Variants in ABLIM1 observed in about 807,000 individuals in gnomAD.
ABLIM1 encodes actin binding LIM protein 1.
In ABLIM1, 40 loss-of-function variants were observed where a neutral mutation model predicts 107.0. The observed-to-expected ratio is 0.37, with a 90% CI of 0.29 to 0.49. The LOEUF is 0.49. Among genes scored for constraint, ABLIM1 ranks in the 20% least tolerant of loss-of-function variants. The probability of loss-of-function intolerance (pLI) is 0.97; values close to 1 mark genes in which losing one functional copy is unlikely to be tolerated. For missense variants in ABLIM1, 857 were observed against 1,008.5 expected (o/e 0.85, Z 2.04); for synonymous variants, 357 against 357.3 (o/e 1.00, Z 0.01).
chr10:114,580,183 T>TAATA lies in ABLIM1; in HGVS notation c.380-4585_380-4584insTATT, dbSNP rs2073180293. Among the ~76,000 whole-genome samples, 3 of 143,814 alleles carry TAATA rather than the reference T, an allele frequency of 2.1e-5. No individual in the cohort carries two copies. The South Asian group carries it at 6.6e-4, about 32-fold the overall frequency. The allele number at this position is 143,814 out of a possible 152,430, so 94.3% of individuals were successfully genotyped here. On this transcript the variant is annotated intron_variant, in intron 2 of 22. Transcript: ENST00000533213. ...AATGCCTTTATAACCCACTCCTTTA[T>TAATA]TTTAATATTATATATTATATATTAT...
intron 4 of ABLIM1, among the ~76,000 whole-genome samples, chr10:114,569,572 C>A (rs1356349272): frequency 6.6e-6 from 1 of 152,134 alleles, no homozygotes; most frequent in African/African-American, 2.4e-5. Flanking sequence ...CCCGTCTCAG[C>A]CTCTCAAAGT....
chr10:114,678,815 T>C (rs1217814829), intron 1 of ABLIM1, among the ~76,000 whole-genome samples: 1 of 152,224 alleles, frequency 6.6e-6, no homozygotes, highest in Non-Finnish European at 1.5e-5. Flanking sequence ...GTCTTTTTAT[T>C]TTCTTTTTTA....
intron 6 of ABLIM1, among the ~76,000 whole-genome samples, chr10:114,529,919 T>G (rs1341363145): frequency 6.6e-6 from 1 of 152,240 alleles, no homozygotes; most frequent in East Asian, 1.9e-4. Context: ...CCCAGCTACT[T>G]GGGAGGCTGA....
chr10:114,525,063 A>G (rs928534313), intron 6 of ABLIM1, among the ~76,000 whole-genome samples: 10 of 152,234 alleles, frequency 6.6e-5, no homozygotes, highest in Non-Finnish European at 1.5e-4. Flanking sequence ...GCCCACAGGG[A>G]ATATTTAACA....
chr10:114,647,507 C>T (rs1307485827), intron 1 of ABLIM1, among the ~76,000 whole-genome samples: 2 of 152,138 alleles, frequency 1.3e-5, no homozygotes, highest in African/African-American at 2.4e-5. Context: ...TATTAAACAC[C>T]CCAGAATATT....
intron 1 of ABLIM1, among the ~76,000 whole-genome samples, chr10:114,616,781 A>G (rs2077155845): frequency 6.6e-6 from 1 of 152,236 alleles, no homozygotes; most frequent in African/African-American, 2.4e-5. Flanking sequence ...GTAGTAACAG[A>G]AGGAATAGCA....
At chr10:114,744,739 G>A (rs936083447) in intron 1 of ABLIM1, among the ~76,000 whole-genome samples, 1 of 152,124 alleles carries the variant, frequency 6.6e-6, no homozygotes, top group Admixed American at 6.5e-5. Flanking sequence ...AGGGCATGAA[G>A]CAACACCAGG....
At chr10:114,775,393 G>A in the ABLIM1 span, among the ~76,000 whole-genome samples, 1 of 152,172 alleles carries the variant, frequency 6.6e-6, no homozygotes. Flanking sequence ...GAGGGATCAG[G>A]AGATGCAACT....
intron 6 of ABLIM1, among the ~76,000 whole-genome samples, chr10:114,533,609 G>A (rs1345883122): frequency 6.6e-6 from 1 of 152,146 alleles, no homozygotes; most frequent in African/African-American, 2.4e-5. Flanking sequence ...GACATTTACT[G>A]TGTATGCCCA....
intron 6 of ABLIM1, among the ~76,000 whole-genome samples, chr10:114,522,311 C>G (rs2063867079): frequency 6.6e-6 from 1 of 152,202 alleles, no homozygotes; most frequent in Non-Finnish European, 1.5e-5. Flanking sequence ...CCACCCCACC[C>G]CCCACTTATT....
chr10:114,497,560 T>C (rs2059842382), intron 6 of ABLIM1, among the ~76,000 whole-genome samples: 1 of 151,764 alleles, frequency 6.6e-6, no homozygotes, highest in South Asian at 2.1e-4. Context: ...CGGGCGCCTA[T>C]AGTCCCAGCT....
In ABLIM1 at chr10:114,441,723, C is replaced by T. The variant is rs753542135; in HGVS notation, c.1997G>A (p.Arg666Gln). 18 of 1,613,028 alleles carry T rather than the reference C, an allele frequency of 1.1e-5. No homozygotes were observed. The highest frequency in any genetic ancestry group is 2.2e-5 in the East Asian group (1 of 44,896). ...LPGYGRNGLH[R>Q]PVSTDFAQYN... Reference sequence around the variant, plus strand: ...CAATGAATCGGGGAGAAATCTTACCCGGTGAAGCCCATTTCTTCCATAGCC... The same window carrying T: ...CAATGAATCGGGGAGAAATCTTACCTGGTGAAGCCCATTTCTTCCATAGCC... The change falls in exon 18 of 23, where the codon CGG (arginine) becomes CAG (glutamine). Residue 666 changes from arginine (R) to glutamine (Q), a missense_variant and splice_region_variant. Physicochemically the swap from Arg to Gln is conservative, Grantham distance 43 (BLOSUM62 1). Around this residue, in one of 5 missense-constraint regions of ABLIM1, gnomAD observed 193 missense variants for 208.5 expected, o/e 0.93. Transcript: ENST00000533213.
intron 1 of ABLIM1, among the ~76,000 whole-genome samples, chr10:114,627,490 T>C (rs538886085): frequency 5.3e-5 from 8 of 152,194 alleles, no homozygotes; most frequent in African/African-American, 1.9e-4. Context: ...TCTAAACCCT[T>C]GAGAGCTTTC....
At chr10:114,652,548 C>T (rs1029790228) in intron 1 of ABLIM1, among the ~76,000 whole-genome samples, 4 of 152,180 alleles carry the variant, frequency 2.6e-5, no homozygotes, top group Non-Finnish European at 5.9e-5. Flanking sequence ...CAGACATGAA[C>T]CACCTTTCTC....
chr10:114,793,707 G>A, the ABLIM1 span, among the ~76,000 whole-genome samples: 1 of 152,160 alleles, frequency 6.6e-6, no homozygotes, highest in Non-Finnish European at 1.5e-5. Context: ...TGGGAGATGG[G>A]AGACTCCTCT....
chr10:114,484,264 G>T (rs1040510654), intron 8 of ABLIM1, among the ~76,000 whole-genome samples: 1 of 152,146 alleles, frequency 6.6e-6, no homozygotes, highest in Non-Finnish European at 1.5e-5. Context: ...TGTAAAATGG[G>T]AATAAGATTA....
At chr10:114,620,174 A>G (rs1377069543) in intron 1 of ABLIM1, among the ~76,000 whole-genome samples, 1 of 152,246 alleles carries the variant, frequency 6.6e-6, no homozygotes, top group African/African-American at 2.4e-5. Context: ...TTAATGGATC[A>G]TCACCGGCAT....
the ABLIM1 span, among the ~76,000 whole-genome samples, chr10:114,793,922 T>C: frequency 6.6e-6 from 1 of 152,218 alleles, no homozygotes. Flanking sequence ...TTAATAAATC[T>C]CTTGCACATC....
intron 3 of ABLIM1, among the ~76,000 whole-genome samples, chr10:114,573,330 A>G (rs1292380719): frequency 6.6e-6 from 1 of 152,246 alleles, no homozygotes; most frequent in Non-Finnish European, 1.5e-5. Flanking sequence ...TAAGAGGGTG[A>G]AATTAACTTC....
Sources: gnomAD v4.1 joint callset for allele counts (sites outside exome capture counted in the v4.1 genomes callset) on GRCh38, gnomAD v4.1.1 for gene constraint, gnomAD v4.1.1 regional missense constraint, MANE v1.5 for transcripts, NCBI Gene and HGNC (gene_info 2026-07-23, HGNC 2026-07-21) for gene names.